ITGAX: variants seen among roughly 807,000 people sequenced by gnomAD.
ITGAX encodes integrin alpha-X.
A neutral mutation model predicts 140.2 loss-of-function variants in ITGAX; 99 were observed. The ratio of observed to expected loss-of-function variants is 0.71; its 90% CI spans 0.60 to 0.83. ITGAX has a LOEUF of 0.83. Ranked by LOEUF, ITGAX falls within the 40% of genes least tolerant of loss-of-function variation. ITGAX has a pLI of 0.00. For synonymous variants in ITGAX, 631 were observed against 600.4 expected (o/e 1.05, Z -0.75); for missense variants, 1,444 against 1,482.0 (o/e 0.97, Z 0.42).
intron 26 of ITGAX, 75 bp downstream of exon 26, chr16:31,380,140 T>C (rs762189097): frequency 2.6e-6 from 4 of 1,552,188 alleles, no homozygotes; most frequent in East Asian, 2.3e-5. Flanking sequence ...TCATGTTCCA[T>C]ATCCATCCTG....
At chr16:31,360,783 A>G in intron 8 of ITGAX, 1 of 510,644 alleles carries the variant, frequency 2.0e-6, no homozygotes, top group Non-Finnish European at 3.4e-6. Context: ...CCCAAAGCAC[A>G]GGGATTACAG....
At position 31,357,351 on chromosome 16, in the gene ITGAX, G is replaced by A. The variant is rs761193825; in HGVS notation, c.417G>A (p.Pro139=). 1.2e-5 allele frequency: 19 copies of A among 1,602,142 alleles called. No individual in the cohort carries two copies. The highest frequency in any genetic ancestry group is 2.3e-5 in the East Asian group (1 of 44,148). Residue 139 remains proline, a synonymous_variant, in exon 5 of 30, where the codon CCG becomes CCA. Coordinates refer to ENST00000268296, the MANE Select transcript of ITGAX (RefSeq NM_000887.5). ...LGPTQLTQRL[P]VSRQECPRQE... Reference sequence around the variant, plus strand: ...CCACCCAGCTCACCCAGAGGCTCCCGGTGTCCAGGCAGGGTGAGTGTCGGG... The same window carrying A: ...CCACCCAGCTCACCCAGAGGCTCCCAGTGTCCAGGCAGGGTGAGTGTCGGG...
Position 31,382,249 on chromosome 16 carries a change from CTTTTT to C in ITGAX, c.*352_*356del. The C allele has an allele frequency of 1.5e-6, 1 of 658,764 alleles. No homozygotes were observed. The highest frequency in any genetic ancestry group is 1.9e-6 in the Non-Finnish European group (1 of 533,364). The allele number at this position is 658,764 out of a possible 1,614,324, so 40.8% of individuals were successfully genotyped here. On this transcript the variant is annotated 3_prime_UTR_variant, in exon 30 of 30. Transcript: ENST00000268296. ...CTTTCTTTTTTTTTTTTTTTCTTTT[CTTTTT>C]TTTTTTTTTGAGACGGAGTCTCGCT...
At chr16:31,375,052 G>A (rs2081007276) in intron 20 of ITGAX, among the ~76,000 whole-genome samples, 1 of 151,302 alleles carries the variant, frequency 6.6e-6, no homozygotes, top group Admixed American at 6.6e-5. Context: ...GTCTTGCTCT[G>A]TTGCCCAGGC....
In ITGAX at chr16:31,382,534, A is replaced by G; in HGVS notation, c.*627A>G. 1.7e-6 allele frequency: 2 copies of G among 1,199,792 alleles called. No individual in the cohort carries two copies. Among genetic ancestry groups the G allele is most frequent in the Middle Eastern group, 3.7e-4 (2 of 5,354 alleles). 74.3% of individuals were successfully genotyped at this position (1,199,792 alleles called of 1,614,324 possible). On this transcript the variant is annotated 3_prime_UTR_variant, in exon 30 of 30. Coordinates refer to ENST00000268296, the MANE Select transcript of ITGAX (RefSeq NM_000887.5). ...CGCGTGAGAAGTCCCCTTCCATCCCAGAGGGTGGGCTTCAGGGCGCACAGC... is the reference window on the plus strand; with the variant it reads ...CGCGTGAGAAGTCCCCTTCCATCCCGGAGGGTGGGCTTCAGGGCGCACAGC...
chr16:31,365,114 G>T (rs2080879638), intron 14 of ITGAX, among the ~76,000 whole-genome samples: 1 of 152,178 alleles, frequency 6.6e-6, no homozygotes, highest in South Asian at 2.1e-4. Flanking sequence ...GCCAAACACA[G>T]AAGGCCACAT....
chr16:31,376,124 A>G (rs1310437995), intron 20 of ITGAX, among the ~76,000 whole-genome samples: 1 of 152,242 alleles, frequency 6.6e-6, no homozygotes, highest in East Asian at 1.9e-4. Context: ...CATAGCAGAA[A>G]CAAGAGTAGA....
In ITGAX at chr16:31,371,405, A is replaced by T. The variant is rs763398190; in HGVS notation, c.1913A>T (p.Glu638Val). ...GCCGAGATCCCCAGGTCTGCGTTTG[A>T]GTGTCGGGAGCAGGTGGTCTCTGAG... ...IPAEIPRSAF[E>V]CREQVVSEQT... is the part of the protein sequence containing the mutation. Residue 638 changes from glutamate to valine, a missense_variant, in exon 16 of 30, where the codon GAG becomes GTG. By Grantham distance (121) the Glu-to-Val change is moderately radical. Transcript: ENST00000268296. 1 of 1,614,122 alleles carries T rather than the reference A, an allele frequency of 6.2e-7. No individual in the cohort carries two copies. Among genetic ancestry groups the T allele is most frequent in the East Asian group, 2.2e-5 (1 of 44,876 alleles).
At chr16:31,367,837 A>T (rs2080907090) in intron 14 of ITGAX, among the ~76,000 whole-genome samples, 1 of 152,222 alleles carries the variant, frequency 6.6e-6, no homozygotes, top group African/African-American at 2.4e-5. Flanking sequence ...TGCCATAGAT[A>T]GTGATTCTTC....
In ITGAX at chr16:31,357,357, C is replaced by T; in HGVS notation, c.423C>T (p.Ser141=). 1 of 1,598,994 alleles carries T rather than the reference C, an allele frequency of 6.3e-7. No individual in the cohort carries two copies. Among genetic ancestry groups the T allele is most frequent in the Non-Finnish European group, 8.5e-7 (1 of 1,172,998 alleles). Residue 141 remains serine (S), a synonymous_variant, in exon 5 of 30, where the codon TCC becomes TCT. Transcript: ENST00000268296. The part of the protein sequence containing the change: ...PTQLTQRLPV[S]RQECPRQEQD... ...AGCTCACCCAGAGGCTCCCGGTGTC[C>T]AGGCAGGGTGAGTGTCGGGACCACC...
At chr16:31,357,609 A>G (rs1414298420) in intron 5 of ITGAX, 2 of 532,452 alleles carry the variant, frequency 3.8e-6, no homozygotes, top group African/African-American at 3.9e-5. Flanking sequence ...GATGGGGATA[A>G]TAACACACCC....
In ITGAX at chr16:31,376,620, G is replaced by A. The variant is rs375196497; in HGVS notation, c.2509-179G>A. On this transcript the variant is annotated intron_variant, in intron 20 of 29. Transcript: ENST00000268296. ...AGCCTGGGTGACAGAGTGAGACCTG[G>A]TCTCAAAAAACAAACAAACAAACAA... Among the ~76,000 whole-genome samples, 55 of 152,214 alleles carry A rather than the reference G, an allele frequency of 3.6e-4. 1 individual carries two copies. The South Asian group carries it at 0.011, about 30-fold the overall frequency.
chr16:31,361,036 T>C (rs2080818901), intron 8 of ITGAX, 27 bp from the exon 9 acceptor site: 1 of 1,607,526 alleles, frequency 6.2e-7, no homozygotes, highest in South Asian at 1.1e-5. Flanking sequence ...TTATTATTTT[T>C]ACTGAGTTGA....
intron 9 of ITGAX, chr16:31,361,630 A>G: frequency 4.1e-6 from 3 of 731,542 alleles, no homozygotes; most frequent in Non-Finnish European, 4.8e-6. Context: ...TGAGGACCAG[A>G]TCGGTGCTGC....
Position 31,382,234 on chromosome 16 carries a change from T to TTTTTTTTTC in ITGAX, c.*335_*336insCTTTTTTTT. The stretch of plus-strand genomic sequence containing the variant: ...AATGATCTTTCTTTCCTTTCTTTTT[T>TTTTTTTTTC]TTTTTTTTTCTTTTCTTTTTTTTTT... On this transcript the variant is annotated 3_prime_UTR_variant, in exon 30 of 30. Coordinates refer to ENST00000268296, the MANE Select transcript of ITGAX (RefSeq NM_000887.5). 8.3e-7 allele frequency: 1 copy of TTTTTTTTTC among 1,201,858 alleles called. No individual in the cohort carries two copies. The highest frequency in any genetic ancestry group is 1.1e-6 in the Non-Finnish European group (1 of 941,826). 74.4% of individuals were successfully genotyped at this position (1,201,858 alleles called of 1,614,324 possible).
chr16:31,363,875 C>T (rs181396136), intron 14 of ITGAX, among the ~76,000 whole-genome samples: 221 of 152,324 alleles, frequency 1.5e-3, no homozygotes, highest in Non-Finnish European at 2.6e-3. Context: ...GTGAAGGGCA[C>T]TCCGGCCTCC....
In ITGAX at chr16:31,362,657, C is replaced by T. The variant is rs1354770221; in HGVS notation, c.1263C>T (p.Val421=). 8.1e-6 allele frequency: 13 copies of T among 1,613,382 alleles called. No homozygotes were observed. Among genetic ancestry groups the T allele is most frequent in the Admixed American group, 1.7e-5 (1 of 59,968 alleles). The change falls in exon 12 of 30, where the codon GTC becomes GTT. Residue 421 remains valine (V), a synonymous_variant. Coordinates refer to ENST00000268296, the MANE Select transcript of ITGAX (RefSeq NM_000887.5). ...TCTGGAAAGGGGTGCAGAGCCTGGTCCTGGGGGCCCCCCGCTACCAGCACA... is the reference window on the plus strand; with the variant it reads ...TCTGGAAAGGGGTGCAGAGCCTGGTTCTGGGGGCCCCCCGCTACCAGCACA... ...LALWKGVQSL[V]LGAPRYQHTG... is the part of the protein sequence containing the mutation.
Position 31,356,638 on chromosome 16 carries a change from GC to G in ITGAX, c.163del (p.Gln55LysfsTer3). On this transcript the variant is annotated frameshift_variant, in exon 3 of 30. Transcript: ENST00000268296. LOFTEE classifies it high-confidence loss of function. Reference protein sequence around the residue: ...QYANSWVVVGAPQKITAANQT... With the variant: ...QYANSWVVVGXPQKITAANQT... The stretch of plus-strand genomic sequence containing the variant: ...GTCTCCTCGCAGGGTGGTGGTTGGA[GC>G]CCCCCAAAAGATAACAGCTGCCAAC... The G allele has an allele frequency of 1.3e-6, 2 of 1,598,124 alleles. No homozygotes were observed. The highest frequency in any genetic ancestry group is 2.3e-5 in the East Asian group (1 of 44,310).
At chr16:31,368,971 G>C (rs1437137825) in intron 14 of ITGAX, among the ~76,000 whole-genome samples, 3 of 152,230 alleles carry the variant, frequency 2.0e-5, no homozygotes, top group Non-Finnish European at 4.4e-5. Context: ...ATTTTTCTTA[G>C]TACAGAACAA....
Sources: gnomAD v4.1 joint callset for allele counts (sites outside exome capture counted in the v4.1 genomes callset) on GRCh38, gnomAD v4.1.1 for gene constraint, MANE v1.5 for transcripts, NCBI Gene and HGNC (gene_info 2026-07-23, HGNC 2026-07-21) for gene names.